Variants in CDIP1 observed in about 807,000 individuals in gnomAD.
CDIP1 encodes cell death inducing p53 target 1.
Under a neutral mutation model 17.7 loss-of-function variants are expected in CDIP1, and 9 were observed. The ratio of observed to expected loss-of-function variants is 0.51; its 90% CI spans 0.31 to 0.89. The LOEUF (loss-of-function observed/expected upper bound fraction) is 0.89, where lower values mean the gene tolerates loss of function less well. CDIP1 is among the 40% of genes least tolerant of loss of function. CDIP1 has a pLI of 0.05. For missense variants in CDIP1, 263 were observed against 277.9 expected, an observed-to-expected ratio of 0.95 and a Z score of 0.38; for synonymous variants, 117 against 109.5, an observed-to-expected ratio of 1.07 and a Z score of -0.43.
chr16:4,528,565 CCA>C (rs931994660), intron 1 of CDIP1, among the ~76,000 whole-genome samples: 10 of 150,896 alleles, frequency 6.6e-5, no homozygotes, highest in African/African-American at 1.7e-4. Flanking sequence ...GCCTATAATC[CCA>C]GTTACTTGGG....
intron 1 of CDIP1, among the ~76,000 whole-genome samples, chr16:4,525,283 T>C (rs1032452487): frequency 6.6e-6 from 1 of 152,096 alleles, no homozygotes; most frequent in African/African-American, 2.4e-5. Flanking sequence ...GATGCTTCCG[T>C]AGTTAAAACA....
rs530523491 is a variant in CDIP1, at chr16:4,529,243, G to A, written c.-105+9459C>T. On this transcript the variant is annotated intron_variant, in intron 1 of 5. Transcript: ENST00000567695. The stretch of plus-strand genomic sequence containing the variant: ...AAGTTTAGATCTGTAAAGTTGGAAT[G>A]TAATGACCTCACAGTCCTGCTAGCC... Among the ~76,000 whole-genome samples, 4 of 152,310 alleles carry A rather than the reference G, an allele frequency of 2.6e-5. No individual in the cohort carries two copies. In the South Asian group the frequency reaches 8.3e-4, roughly 32 times the overall value.
rs1205566112 is a variant in CDIP1 at position 4,512,825 on chromosome 16, T to C, written c.481A>G (p.Asn161Asp). 2.6e-6 allele frequency: 4 copies of C among 1,565,090 alleles called. No homozygotes were observed. Among genetic ancestry groups the C allele is most frequent in the Non-Finnish European group, 3.5e-6 (4 of 1,154,526 alleles). Residue 161 changes from asparagine (N) to aspartate (D), a missense_variant, in exon 5 of 6, where the codon AAT (asparagine) becomes GAT (aspartate). Coordinates refer to ENST00000567695, the MANE Select transcript of CDIP1 (RefSeq NM_013399.3). This position sits in a 1 kb window ranked among gnomAD's most constrained non-coding sequence, Gnocchi z 4.6. ...TKISYEIGLMNFVLGFFCCFM... is the reference protein window; with the variant it reads ...TKISYEIGLMDFVLGFFCCFM... ...CAACAGAAGAAACCCAGCACGAAAT[T>C]CATCAAGCCAATCTCGTAGGAGATC...
chr16:4,515,140 C>T (rs535479444), intron 1 of CDIP1: 13 of 152,292 alleles, frequency 8.5e-5, no homozygotes, highest in African/African-American at 3.1e-4. Flanking sequence ...GGTTCAGTTA[C>T]CTTAGCTAAA....
At chr16:4,522,106 A>G (rs1382249222) in intron 1 of CDIP1, among the ~76,000 whole-genome samples, 3 of 152,170 alleles carry the variant, frequency 2.0e-5, no homozygotes, top group African/African-American at 7.2e-5. Flanking sequence ...GGGACTTGCA[A>G]TCAAAACCCT....
chr16:4,521,403 A>C (rs1160671410), intron 1 of CDIP1, among the ~76,000 whole-genome samples: 1 of 152,126 alleles, frequency 6.6e-6, no homozygotes, highest in Non-Finnish European at 1.5e-5. Context: ...CGTATCAGCC[A>C]AGTGCAGGGC....
chr16:4,530,171 G>A lies in CDIP1; in HGVS notation c.-105+8531C>T, dbSNP rs564332159. ...GACATTTCTGATGGGTGAAGAAAGCGCTCTAGGAACTGAGAGTGGGAATCT... is the reference window on the plus strand; with the variant it reads ...GACATTTCTGATGGGTGAAGAAAGCACTCTAGGAACTGAGAGTGGGAATCT... On this transcript the variant is annotated intron_variant, in intron 1 of 5. Transcript: ENST00000567695. 4.6e-5 allele frequency among the ~76,000 whole-genome samples: 7 copies of A among 152,308 alleles called. No individual in the cohort carries two copies. In the South Asian group the frequency reaches 1.2e-3, roughly 27 times the overall value.
At chr16:4,518,199 G>C (rs954933148) in intron 1 of CDIP1, among the ~76,000 whole-genome samples, 1 of 152,136 alleles carries the variant, frequency 6.6e-6, no homozygotes, top group Non-Finnish European at 1.5e-5. Flanking sequence ...CTCTGAGAAT[G>C]CAGGTGTTGC....
intron 1 of CDIP1, among the ~76,000 whole-genome samples, chr16:4,525,567 C>CT (rs936964646): frequency 2.0e-5 from 3 of 152,228 alleles, no homozygotes; most frequent in Admixed American, 1.3e-4. Context: ...CCACCATGCC[C>CT]TATCCAAACC....
intron 1 of CDIP1, among the ~76,000 whole-genome samples, chr16:4,521,644 C>T (rs4786511): frequency 0.55 from 81,470 of 147,702 alleles, 25,509 homozygotes; most frequent in Non-Finnish European, 0.7. Flanking sequence ...GGGAGGATTA[C>T]TTGAGCCCAG....
Position 4,512,960 on chromosome 16 carries a change from G to A in CDIP1, c.346C>T (p.Leu116=), listed in dbSNP as rs748059211. 2.5e-6 allele frequency: 4 copies of A among 1,587,852 alleles called. No homozygotes were observed. In the East Asian group the frequency reaches 6.8e-5, roughly 27 times the overall value. Residue 116 remains leucine, a synonymous_variant, in exon 5 of 6, where the codon CTG becomes TTG. Transcript: ENST00000567695. This position sits in a 1 kb window ranked among gnomAD's most constrained non-coding sequence, Gnocchi z 4.6. ...GTGGTGGCAGCTCCTGAAGGGACCA[G>A]GACTGTGGCTGTGTGGCCCCCAGGG... The part of the protein sequence containing the change: ...PGPGGHTATV[L]VPSGAATTVT...
At chr16:4,515,187 C>T (rs563270866) in intron 1 of CDIP1, 1 of 152,230 alleles carries the variant, frequency 6.6e-6, no homozygotes, top group East Asian at 1.9e-4. Flanking sequence ...TTCAGTGGAA[C>T]AAAAAATACA....
At chr16:4,523,606 A>C (rs1190897772) in intron 1 of CDIP1, among the ~76,000 whole-genome samples, 2 of 152,146 alleles carry the variant, frequency 1.3e-5, no homozygotes, top group Admixed American at 1.3e-4. Flanking sequence ...CTCGCCAAAA[A>C]ACCACAAACA....
intron 1 of CDIP1, among the ~76,000 whole-genome samples, chr16:4,523,105 GCA>G (rs1491441800): frequency 1.3e-5 from 2 of 152,230 alleles, no homozygotes; most frequent in Non-Finnish European, 2.9e-5. Context: ...CTGGGCTGAA[GCA>G]CAGTCTGTGA....
chr16:4,515,029 A>C (rs1226140297), intron 1 of CDIP1: 1 of 152,446 alleles, frequency 6.6e-6, no homozygotes, highest in Non-Finnish European at 1.5e-5. Flanking sequence ...GAGTCAAGTG[A>C]AATCTTTTCC....
At chr16:4,523,281 T>C (rs1567418051) in intron 1 of CDIP1, among the ~76,000 whole-genome samples, 1 of 152,104 alleles carries the variant, frequency 6.6e-6, no homozygotes, top group Non-Finnish European at 1.5e-5. Context: ...TTTGGGAGGC[T>C]GAGGAGGGCG....
rs1445885990 is a variant in CDIP1 at position 4,513,982 on chromosome 16, G to A, written c.85+64C>T. 1.5e-6 allele frequency: 2 copies of A among 1,336,912 alleles called. No individual in the cohort carries two copies. The highest frequency in any genetic ancestry group is 2.6e-5 in the Admixed American group (1 of 38,238). 82.8% of individuals were successfully genotyped at this position (1,336,912 alleles called of 1,614,324 possible). On this transcript the variant is annotated intron_variant, in intron 3 of 5. Coordinates refer to ENST00000567695, the MANE Select transcript of CDIP1 (RefSeq NM_013399.3). The surrounding 1 kb of genome is among the most constrained non-coding windows in gnomAD (Gnocchi z 4.1). ...TGGAGTGGGCATCACCACTTAGAGA[G>A]TCCCAACCATGCCATGGCGGCAGGG...
intron 1 of CDIP1, among the ~76,000 whole-genome samples, chr16:4,535,458 C>T (rs1175273690): frequency 6.6e-6 from 1 of 152,254 alleles, no homozygotes; most frequent in Non-Finnish European, 1.5e-5. Flanking sequence ...CCTCACCCTG[C>T]ACTGCAGGCT....
At chr16:4,520,940 C>A (rs982012017) in intron 1 of CDIP1, among the ~76,000 whole-genome samples, 1 of 152,164 alleles carries the variant, frequency 6.6e-6, no homozygotes, top group Non-Finnish European at 1.5e-5. Flanking sequence ...AATGAATGCA[C>A]GTGTGCTTTT....
Sources: gnomAD v4.1 joint callset for allele counts (sites outside exome capture counted in the v4.1 genomes callset) on GRCh38, gnomAD v4.1.1 for gene constraint, Gnocchi (gnomAD v3.1) non-coding constraint, MANE v1.5 for transcripts, NCBI Gene and HGNC (gene_info 2026-07-23, HGNC 2026-07-21) for gene names.